The following NCALD variants were observed in gnomAD, a reference collection of about 807,000 sequenced individuals.
NCALD encodes neurocalcin delta.
A neutral mutation model predicts 18.6 loss-of-function variants in NCALD; 10 were observed. The ratio of observed to expected loss-of-function variants is 0.54; its 90% CI spans 0.33 to 0.91. NCALD has a LOEUF of 0.91. Among genes scored for constraint, NCALD ranks in the 40% least tolerant of loss-of-function variants. NCALD has a pLI of 0.03. For synonymous variants in NCALD, 88 were observed against 87.4 expected (o/e 1.01, Z -0.04); for missense variants, 184 against 247.6 (o/e 0.74, Z 1.72).
intron 1 of NCALD, among the ~76,000 whole-genome samples, chr8:102,046,241 T>C (rs1044692164): frequency 8.5e-5 from 13 of 152,214 alleles, no homozygotes; most frequent in Non-Finnish European, 1.6e-4. Flanking sequence ...AAACTCAGCC[T>C]GTTGCCAAGA....
At chr8:101,932,669 G>A (rs1298094564) in intron 2 of NCALD, among the ~76,000 whole-genome samples, 4 of 152,050 alleles carry the variant, frequency 2.6e-5, no homozygotes, top group South Asian at 2.1e-4. Context: ...CTTCCTTTGC[G>A]CAGAGTCCTT....
chr8:101,875,470 G>A (rs1816191638), intron 4 of NCALD, among the ~76,000 whole-genome samples: 1 of 151,976 alleles, frequency 6.6e-6, no homozygotes, highest in Non-Finnish European at 1.5e-5. Context: ...TCTCTGCTCG[G>A]TGCTCCGTGT....
intron 4 of NCALD, among the ~76,000 whole-genome samples, chr8:101,879,410 T>A (rs771499927): frequency 6.7e-6 from 1 of 150,120 alleles, no homozygotes; most frequent in Non-Finnish European, 1.5e-5. Flanking sequence ...CTGGAGTCGT[T>A]CATTTCTCCC....
chr8:101,941,810 TAC>T (rs1818968803), intron 2 of NCALD, among the ~76,000 whole-genome samples: 1 of 152,240 alleles, frequency 6.6e-6, no homozygotes, highest in Non-Finnish European at 1.5e-5. Flanking sequence ...TCAGCTATTT[TAC>T]AGTCATTAAT....
chr8:102,065,925 T>C (rs1165207969), intron 1 of NCALD, among the ~76,000 whole-genome samples: 1 of 152,232 alleles, frequency 6.6e-6, no homozygotes, highest in Non-Finnish European at 1.5e-5. Flanking sequence ...TAACTATATA[T>C]GATTTTATAA....
chr8:101,821,306 A>T (rs1223993300), intron 4 of NCALD, among the ~76,000 whole-genome samples: 1 of 152,258 alleles, frequency 6.6e-6, no homozygotes, highest in Non-Finnish European at 1.5e-5. Context: ...ACAGGTAGTT[A>T]TTAAGCATTT....
chr8:102,110,804 A>G (rs1411162833), intron 1 of NCALD, among the ~76,000 whole-genome samples: 1 of 152,226 alleles, frequency 6.6e-6, no homozygotes, highest in South Asian at 2.1e-4. Context: ...CAGAAATAAT[A>G]ATAGCAAAAA....
chr8:102,015,801 A>G lies in NCALD; in HGVS notation c.-157+4436T>C, dbSNP rs533678415. ...CCATCATGAAAGCAGGAATAAGAAA[A>G]CAGCTAAAATGTTAATGAATTTCTA... is the stretch of plus-strand genomic sequence containing the variant. On this transcript the variant is annotated intron_variant, in intron 2 of 6. Coordinates refer to the NCALD transcript ENST00000311028. Among the ~76,000 whole-genome samples the G allele has an allele frequency of 1.6e-4, 25 of 152,226 alleles. No homozygotes were observed. The East Asian group carries it at 2.5e-3, about 15-fold the overall frequency.
intron 4 of NCALD, among the ~76,000 whole-genome samples, chr8:101,824,129 A>T (rs774892003): frequency 1.3e-5 from 2 of 152,222 alleles, no homozygotes; most frequent in Non-Finnish European, 2.9e-5. Flanking sequence ...TGGAAGTAGC[A>T]CAGAACCTAT....
intron 1 of NCALD, among the ~76,000 whole-genome samples, chr8:102,050,023 G>A (rs889954833): frequency 4.0e-5 from 6 of 149,764 alleles, no homozygotes; most frequent in Non-Finnish European, 8.9e-5. Context: ...TTAGCCGGGC[G>A]CGGTGGCGGG....
chr8:101,792,696 G>A (rs774865955), upstream of NCALD, among the ~76,000 whole-genome samples: 1 of 152,144 alleles, frequency 6.6e-6, no homozygotes, highest in Non-Finnish European at 1.5e-5. Flanking sequence ...ACCGGAAGAG[G>A]CAGAGAAACA....
chr8:101,945,881 A>G (rs1296037804), intron 2 of NCALD, among the ~76,000 whole-genome samples: 6 of 152,200 alleles, frequency 3.9e-5, no homozygotes, highest in Admixed American at 3.3e-4. Flanking sequence ...CCTTTGTTCC[A>G]TTTAGAAAAA....
chr8:101,703,152 CTTT>C (rs11447285), intron 2 of NCALD, among the ~76,000 whole-genome samples: 1 of 147,646 alleles, frequency 6.8e-6, no homozygotes, highest in Non-Finnish European at 1.5e-5. Flanking sequence ...CTCTGTTCCT[CTTT>C]TTTTTTTTTT....
chr8:102,021,901 G>A (rs1433814726), intron 1 of NCALD, among the ~76,000 whole-genome samples: 2 of 152,100 alleles, frequency 1.3e-5, no homozygotes, highest in Non-Finnish European at 2.9e-5. Flanking sequence ...ACCATGTCTG[G>A]GAACATGAGG....
At chr8:101,744,733 T>C (rs553274176) in intron 1 of NCALD, among the ~76,000 whole-genome samples, 13 of 152,230 alleles carry the variant, frequency 8.5e-5, no homozygotes, top group South Asian at 8.3e-4. Context: ...GTTACAGCAG[T>C]GCTGCTTGGC....
At chr8:101,803,780 T>A (rs1812955829) in intron 4 of NCALD, among the ~76,000 whole-genome samples, 1 of 152,174 alleles carries the variant, frequency 6.6e-6, no homozygotes, top group African/African-American at 2.4e-5. Flanking sequence ...TGAGATGGAA[T>A]CTACTTCTGG....
At chr8:102,022,413 T>C (rs934673658) in intron 1 of NCALD, among the ~76,000 whole-genome samples, 3 of 152,240 alleles carry the variant, frequency 2.0e-5, no homozygotes, top group Non-Finnish European at 4.4e-5. Context: ...CATCATTCCA[T>C]GTGCTTAGCT....
chr8:101,807,881 T>C (rs1174656128), intron 4 of NCALD, among the ~76,000 whole-genome samples: 1 of 152,082 alleles, frequency 6.6e-6, no homozygotes, highest in Non-Finnish European at 1.5e-5. Flanking sequence ...ATCTCATAGT[T>C]GGGAAAAGAA....
chr8:102,011,779 TTTATC>T (rs1349558514), intron 2 of NCALD, among the ~76,000 whole-genome samples: 2 of 152,174 alleles, frequency 1.3e-5, no homozygotes, highest in African/African-American at 4.8e-5. Flanking sequence ...ACTCTTCAAA[TTTATC>T]TTATAACTCA....
Sources: gnomAD v4.1 joint callset for allele counts (sites outside exome capture counted in the v4.1 genomes callset) on GRCh38, gnomAD v4.1.1 for gene constraint, MANE v1.5 for transcripts, NCBI Gene and HGNC (gene_info 2026-07-23, HGNC 2026-07-21) for gene names.